STXBP2: variants seen among roughly 807,000 people sequenced by gnomAD.
STXBP2 encodes syntaxin-binding protein 2.
A neutral mutation model predicts 72.2 loss-of-function variants in STXBP2; 47 were observed. That is an observed-to-expected ratio of 0.65 (90% CI 0.51 to 0.83). The LOEUF is 0.83. STXBP2 is among the 40% of genes least tolerant of loss of function. The pLI is 0.00. For synonymous variants in STXBP2, 367 were observed against 338.7 expected (o/e 1.08, Z -0.92); for missense variants, 702 against 807.6 (o/e 0.87, Z 1.58).
In STXBP2 at chr19:7,640,737, C is replaced by T. The variant is rs992368305; in HGVS notation, c.253C>T (p.Gln85Ter). ...AGTGATCCACCTTCCCCAGTCGGTTCAGGCCCTGATCAAAGACTTCCAGGG... is the reference window on the plus strand; with the variant it reads ...AGTGATCCACCTTCCCCAGTCGGTTTAGGCCCTGATCAAAGACTTCCAGGG... ...YLLSPTEKSV[Q>*]ALIKDFQGTP... Residue 85 changes from glutamine to a stop codon, truncating the protein, a stop_gained, in exon 5 of 19, where the codon CAG (glutamine) becomes TAG (stop). Coordinates refer to ENST00000221283, the MANE Select transcript of STXBP2 (RefSeq NM_006949.4). LOFTEE classifies it high-confidence loss of function. 1.2e-6 allele frequency: 2 copies of T among 1,614,086 alleles called. No individual in the cohort carries two copies. Among genetic ancestry groups the T allele is most frequent in the Non-Finnish European group, 1.7e-6 (2 of 1,180,026 alleles).
chr19:7,642,289 G>A lies in STXBP2; in HGVS notation c.750G>A (p.Gln250=), dbSNP rs146658708. The stretch of plus-strand genomic sequence containing the variant: ...CACTACTGCATGAGCTCACGTTCCA[G>A]GCCATGGCGTATGATCTGCTGGACA... ...VSPLLHELTF[Q]AMAYDLLDIE... The change falls in exon 9 of 19, where the codon CAG becomes CAA. Residue 250 remains glutamine (Q), a synonymous_variant. Transcript: ENST00000221283. This position sits in a 1 kb window ranked among gnomAD's most constrained non-coding sequence, Gnocchi z 6.0. The A allele has an allele frequency of 1.1e-5, 18 of 1,614,014 alleles. No homozygotes were observed. The highest frequency in any genetic ancestry group is 1.5e-5 in the Non-Finnish European group (18 of 1,180,020).
upstream of STXBP2, chr19:7,633,461 C>G (rs770791600): frequency 2.5e-6 from 4 of 1,574,934 alleles, no homozygotes; most frequent in Non-Finnish European, 3.5e-6. Flanking sequence ...CCATCATGTC[C>G]CTGGACTCCA....
chr19:7,642,155 A>G lies in STXBP2; in HGVS notation c.663+37A>G. The G allele has an allele frequency of 1.2e-6, 2 of 1,613,958 alleles. No homozygotes were observed. The highest frequency in any genetic ancestry group is 1.7e-6 in the Non-Finnish European group (2 of 1,179,930). On this transcript the variant is annotated intron_variant, in intron 8 of 18. Coordinates refer to ENST00000221283, the MANE Select transcript of STXBP2 (RefSeq NM_006949.4). The surrounding 1 kb of genome is among the most constrained non-coding windows in gnomAD (Gnocchi z 6.0). ...TGCTTGGGAGGTGAGGGGCAGCCCCAACCGGCTCAGGGTCAGTGCCTCATT... is the reference window on the plus strand; with the variant it reads ...TGCTTGGGAGGTGAGGGGCAGCCCCGACCGGCTCAGGGTCAGTGCCTCATT...
chr19:7,636,697 C>A, upstream of STXBP2: 1 of 161,106 alleles, frequency 6.2e-6, no homozygotes, highest in Non-Finnish European at 1.3e-5. Flanking sequence ...TTATCCAAGA[C>A]GGCTGCTGCT....
At chr19:7,647,048 A>G in intron 16 of STXBP2, 114 bp from the exon 17 acceptor site, 1 of 1,056,546 alleles carries the variant, frequency 9.5e-7, no homozygotes. Context: ...CAGGAGGTGG[A>G]GATGCTGGTT....
Position 7,645,165 on chromosome 19 carries a change from C to T in STXBP2, c.1247-32C>T, listed in dbSNP as rs368249194. ...CTAAACCTGGGAGCTCACCTGGCCG[C>T]CGCCTCCACCCTGCCCATTCCCGTC... On this transcript the variant is annotated intron_variant, in intron 14 of 18. Coordinates refer to ENST00000221283, the MANE Select transcript of STXBP2 (RefSeq NM_006949.4). 412 of 1,549,098 alleles carry T rather than the reference C, an allele frequency of 2.7e-4. 1 individual carries two copies. In the Admixed American group the frequency reaches 7.4e-3, roughly 28 times the overall value.
the STXBP2 span, chr19:7,631,440 C>T: frequency 6.6e-7 from 1 of 1,521,474 alleles, no homozygotes; most frequent in Non-Finnish European, 8.8e-7. Context: ...TGCCCCTCCC[C>T]CCTTCCTGTC....
rs2031926471 is a variant in STXBP2, at chr19:7,642,414, C to T, written c.795-15C>T. The T allele has an allele frequency of 6.2e-7, 1 of 1,613,794 alleles. No individual in the cohort carries two copies. The highest frequency in any genetic ancestry group is 1.3e-5 in the African/African-American group (1 of 74,936). ...TCAGCTCCCCTGACCCCCAGGCTCC[C>T]TCCTTCCTCCCCAGGTATGAGACCA... On this transcript the variant is annotated splice_polypyrimidine_tract_variant and intron_variant, in intron 9 of 18. Transcript: ENST00000221283. The surrounding 1 kb of genome is among the most constrained non-coding windows in gnomAD (Gnocchi z 6.0).
intron 15 of STXBP2, 71 bp downstream of exon 15, chr19:7,645,377 A>AG: frequency 6.9e-7 from 1 of 1,446,192 alleles, no homozygotes; most frequent in South Asian, 1.2e-5. Flanking sequence ...TGCAAGGCAG[A>AG]GGGCCATTGG....
chr19:7,636,898 T>C, upstream of STXBP2: 1 of 388,922 alleles, frequency 2.6e-6, no homozygotes. Flanking sequence ...GTGTCTGAAC[T>C]CCCATCTGTG....
At chr19:7,644,965 C>T in intron 14 of STXBP2, 1 of 1,448,142 alleles carries the variant, frequency 6.9e-7, no homozygotes, top group Non-Finnish European at 9.0e-7. Context: ...TAGAAACCCT[C>T]ACATCTGTGA....
At position 7,641,012 on chromosome 19, in the gene STXBP2, C is replaced by T. The variant is rs185058306; in HGVS notation, c.429+9C>T. ...TCCCCTACGAGGCCCAGGTACGGCC[C>T]GGGCTCATCCTGGGCAGGGGGTGGG... is the stretch of plus-strand genomic sequence containing the variant. On this transcript the variant is annotated intron_variant, in intron 6 of 18. Transcript: ENST00000221283. The T allele has an allele frequency of 1.1e-5, 18 of 1,613,798 alleles. No individual in the cohort carries two copies. The highest frequency in any genetic ancestry group is 6.7e-5 in the East Asian group (3 of 44,878).
In STXBP2 at chr19:7,642,282, C is replaced by T. The variant is rs747513823; in HGVS notation, c.743C>T (p.Thr248Met). 8 of 1,614,172 alleles carry T rather than the reference C, an allele frequency of 5.0e-6. No individual in the cohort carries two copies. Among genetic ancestry groups the T allele is most frequent in the South Asian group, 1.1e-5 (1 of 91,078 alleles). Residue 248 changes from threonine (T) to methionine (M), a missense_variant, in exon 9 of 19, where the codon ACG becomes ATG. Coordinates refer to ENST00000221283, the MANE Select transcript of STXBP2 (RefSeq NM_006949.4). This position sits in a 1 kb window ranked among gnomAD's most constrained non-coding sequence, Gnocchi z 6.0. ...GTGTCCCCACTACTGCATGAGCTCACGTTCCAGGCCATGGCGTATGATCTG... is the reference window on the plus strand; with the variant it reads ...GTGTCCCCACTACTGCATGAGCTCATGTTCCAGGCCATGGCGTATGATCTG... ...DPVSPLLHEL[T>M]FQAMAYDLLD...
rs2032063161 is a variant in STXBP2, at chr19:7,644,758, TG to T, written c.1246+11del. The T allele has an allele frequency of 6.2e-7, 1 of 1,613,488 alleles. No individual in the cohort carries two copies. Among genetic ancestry groups the T allele is most frequent in the Admixed American group, 1.7e-5 (1 of 59,980 alleles). ...CTACATCCTCCTTCGGAATGGTGGGTGGGGGCTGCAGGGAGTTGGAACGTCC... is the reference window on the plus strand; with the variant it reads ...CTACATCCTCCTTCGGAATGGTGGGTGGGGCTGCAGGGAGTTGGAACGTCC... On this transcript the variant is annotated splice_region_variant and intron_variant, in intron 14 of 18. Coordinates refer to ENST00000221283, the MANE Select transcript of STXBP2 (RefSeq NM_006949.4).
In STXBP2 at chr19:7,638,776, G is replaced by A. The variant is rs1290991040; in HGVS notation, c.87+1G>A. ...TGTCAAGAAGGATGGGGAGTGGAAG[G>A]TAGGGGTGAGGCAGATGGCTGGGTA... On this transcript the variant is annotated splice_donor_variant, in intron 2 of 18. Coordinates refer to ENST00000221283, the MANE Select transcript of STXBP2 (RefSeq NM_006949.4). LOFTEE classifies it high-confidence loss of function. The A allele has an allele frequency of 4.3e-6, 7 of 1,614,160 alleles. No homozygotes were observed. Among genetic ancestry groups the A allele is most frequent in the Non-Finnish European group, 5.9e-6 (7 of 1,180,018 alleles).
chr19:7,631,974 G>C, upstream of STXBP2: 1 of 668,544 alleles, frequency 1.5e-6, no homozygotes, highest in Non-Finnish European at 2.2e-6. Flanking sequence ...ATTTGAGTGT[G>C]AGGTGGCAGG....
At chr19:7,630,649 T>C in the STXBP2 span, 1 of 1,537,154 alleles carries the variant, frequency 6.5e-7, no homozygotes. Flanking sequence ...GACGATGTCA[T>C]ACAGCGCAAG....
the STXBP2 span, chr19:7,630,158 C>T: frequency 4.3e-6 from 2 of 469,630 alleles, no homozygotes; most frequent in Admixed American, 7.9e-5. Flanking sequence ...CCTGGGGGAG[C>T]TCTCGGGCTC....
In STXBP2 at chr19:7,640,292, ATG is replaced by A. The variant is rs772833270; in HGVS notation, c.247-435_247-434del. 9.5e-5 allele frequency: 49 copies of A among 513,634 alleles called. 1 individual carries two copies. The highest frequency in any genetic ancestry group is 6.2e-4 in the South Asian group (40 of 64,426). The allele number at this position is 513,634 out of a possible 1,614,324, so 31.8% of individuals were successfully genotyped here. A position where few individuals can be genotyped will look rare whatever the true frequency, so the allele number is the denominator to read the frequency against. On this transcript the variant is annotated intron_variant, in intron 4 of 18. Coordinates refer to ENST00000221283, the MANE Select transcript of STXBP2 (RefSeq NM_006949.4). ...TGTATATGTATGTGCATCTGTGTGC[ATG>A]TGTCTATGTATGTGTGTGCATCTGT...
Sources: gnomAD v4.1 joint callset for allele counts on GRCh38, gnomAD v4.1.1 for gene constraint, Gnocchi (gnomAD v3.1) non-coding constraint, MANE v1.5 for transcripts, NCBI Gene and HGNC (gene_info 2026-07-23, HGNC 2026-07-21) for gene names.